Variants in MMP20 observed in about 807,000 individuals in gnomAD.
The protein encoded by MMP20 is matrix metalloproteinase-20.
Under a neutral mutation model 51.8 loss-of-function variants are expected in MMP20, and 50 were observed. That is an observed-to-expected ratio of 0.97 (90% confidence interval 0.77 to 1.22). MMP20 has a LOEUF of 1.22. MMP20 is among the 50% of genes most tolerant of loss of function. The probability of loss-of-function intolerance (pLI) is 0.00; values close to 1 mark genes in which losing one functional copy is unlikely to be tolerated. For missense variants in MMP20, 663 were observed against 601.4 expected, an observed-to-expected ratio of 1.10 and a Z score of -1.07; for synonymous variants, 244 against 216.2, an observed-to-expected ratio of 1.13 and a Z score of -1.13.
intron 2 of MMP20, among the ~76,000 whole-genome samples, chr11:102,616,381 T>C (rs953601686): frequency 1.3e-5 from 2 of 152,226 alleles, no homozygotes; most frequent in South Asian, 4.1e-4. Flanking sequence ...GTTGACCTGT[T>C]CACCTTTATA....
In MMP20 at chr11:102,594,709, G is replaced by T. The variant is rs1357038645; in HGVS notation, c.1002C>A (p.Ser334Arg). 6.2e-7 allele frequency: 1 copy of T among 1,611,280 alleles called. No homozygotes were observed. The highest frequency in any genetic ancestry group is 1.1e-5 in the South Asian group (1 of 90,986). Residue 334 changes from serine (S) to arginine (R), a missense_variant, in exon 7 of 10, where the codon AGC (serine) becomes AGA (arginine). Transcript: ENST00000260228. ...GCTGGGGGAAGGAGCTGGTAATAGT[G>T]CTGGGCCGAATTCCTGTCCGCAAGT... ...QVHLRTGIRP[S>R]TITSSFPQLM...
chr11:102,588,010 T>G (rs971652135), intron 8 of MMP20, among the ~76,000 whole-genome samples: 3 of 152,120 alleles, frequency 2.0e-5, no homozygotes, highest in Admixed American at 2.0e-4. Flanking sequence ...AACTCATGTC[T>G]TTTTGGTTCC....
intron 8 of MMP20, among the ~76,000 whole-genome samples, chr11:102,581,380 G>A (rs775471833): frequency 2.0e-5 from 3 of 152,206 alleles, no homozygotes; most frequent in South Asian, 4.1e-4. Context: ...TAATATTTGC[G>A]GTGGTAGGCA....
chr11:102,620,173 A>G (rs1457140205), intron 1 of MMP20, among the ~76,000 whole-genome samples: 1 of 152,192 alleles, frequency 6.6e-6, no homozygotes, highest in Non-Finnish European at 1.5e-5. Flanking sequence ...ACTCAGTTCT[A>G]GGCTCAGAGT....
At chr11:102,616,388 T>C (rs566455768) in intron 2 of MMP20, among the ~76,000 whole-genome samples, 5 of 152,348 alleles carry the variant, frequency 3.3e-5, no homozygotes, top group African/African-American at 1.2e-4. Flanking sequence ...TGTTCACCTT[T>C]ATAACCCTCA....
At chr11:102,599,791 C>A (rs1859424674) in intron 6 of MMP20, among the ~76,000 whole-genome samples, 1 of 152,110 alleles carries the variant, frequency 6.6e-6, no homozygotes, top group African/African-American at 2.4e-5. Flanking sequence ...GAGTCAGAAG[C>A]CAAGAAATCA....
intron 8 of MMP20, 58 bp downstream of exon 8, chr11:102,593,381 C>T: frequency 1.3e-6 from 2 of 1,578,034 alleles, no homozygotes; most frequent in Non-Finnish European, 1.7e-6. Context: ...GGGTTTTTAT[C>T]TTTTTAAAAT....
chr11:102,587,614 C>T (rs1008786540), intron 8 of MMP20, among the ~76,000 whole-genome samples: 12 of 151,914 alleles, frequency 7.9e-5, no homozygotes, highest in Admixed American at 5.2e-4. Context: ...CTGCTTCATA[C>T]ATTTTTGGGG....
intron 2 of MMP20, among the ~76,000 whole-genome samples, chr11:102,613,342 AACCCCATGAGCAGGG>A (rs1044079968): frequency 3.3e-5 from 5 of 152,194 alleles, no homozygotes; most frequent in African/African-American, 1.2e-4. Flanking sequence ...TGTGAGAGCC[AACCCCATGAGCAGGG>A]ACCGGCCCTG....
intron 2 of MMP20, among the ~76,000 whole-genome samples, chr11:102,615,408 G>A (rs1407009804): frequency 1.3e-5 from 2 of 152,046 alleles, no homozygotes; most frequent in African/African-American, 4.8e-5. Context: ...AGCTTAACAA[G>A]TGGCTGCAAA....
rs1455028357 is a variant in MMP20 at position 102,616,838 on chromosome 11, T to G, written c.348A>C (p.Lys116Asn). 1.2e-6 allele frequency: 2 copies of G among 1,614,214 alleles called. No individual in the cohort carries two copies. The highest frequency in any genetic ancestry group is 1.7e-6 in the Non-Finnish European group (2 of 1,180,022). The change falls in exon 2 of 10, where the codon AAA becomes AAC. Residue 116 changes from lysine (K) to asparagine (N), a missense_variant. Physicochemically the swap from Lys to Asn is moderately conservative, Grantham distance 94 (BLOSUM62 0). Coordinates refer to ENST00000260228, the MANE Select transcript of MMP20 (RefSeq NM_004771.4). ...ANYRLFPGEP[K>N]WKKNTLTYRI... ...TGTATGTCAAAGTATTTTTTTTCCA[T>G]TTGGGTTCACCAGGGAAGAGGCGAT...
In MMP20 at chr11:102,593,475, T is replaced by C. The variant is rs1300093031; in HGVS notation, c.1211A>G (p.Gln404Arg). The change falls in exon 8 of 10, where the codon CAG (glutamine) becomes CGG (arginine). Residue 404 changes from glutamine (Q) to arginine (R), a missense_variant. Coordinates refer to ENST00000260228, the MANE Select transcript of MMP20 (RefSeq NM_004771.4). The stretch of plus-strand genomic sequence containing the variant: ...ATCTCCCACAAAGAAAAGGGTCTTC[T>C]GTGGCTCCCTGAGGTAGACAGCAGC... ...IDAAVYLREP[Q>R]KTLFFVGDEY... is the part of the protein sequence containing the mutation. The C allele has an allele frequency of 1.2e-6, 2 of 1,614,210 alleles. No individual in the cohort carries two copies. The highest frequency in any genetic ancestry group is 1.7e-6 in the Non-Finnish European group (2 of 1,180,014).
chr11:102,578,234 C>A (rs1859149550), intron 9 of MMP20, among the ~76,000 whole-genome samples: 1 of 151,758 alleles, frequency 6.6e-6, no homozygotes, highest in Non-Finnish European at 1.5e-5. Context: ...GCCTCGACCT[C>A]CTGAGCTCAA....
chr11:102,602,080 G>A (rs1393689884), intron 6 of MMP20, among the ~76,000 whole-genome samples: 1 of 145,386 alleles, frequency 6.9e-6, no homozygotes, highest in African/African-American at 2.5e-5. Flanking sequence ...CTCCCGAGTA[G>A]CTGGGATTAC....
At chr11:102,615,823 G>C (rs76254919) in intron 2 of MMP20, among the ~76,000 whole-genome samples, 1 of 152,052 alleles carries the variant, frequency 6.6e-6, no homozygotes, top group Non-Finnish European at 1.5e-5. Flanking sequence ...CCTGGGGCAG[G>C]ACCACAAAGA....
rs1859680207 is a variant in MMP20, at chr11:102,616,965, T to A, written c.221A>T (p.Glu74Val). Residue 74 changes from glutamate (E) to valine (V), a missense_variant, in exon 2 of 10, where the codon GAG (glutamate) becomes GTG (valine). Physicochemically the swap from Glu to Val is moderately radical, Grantham distance 121. Transcript: ENST00000260228. ...TTGGAGGCCAAAGAACGCTTGTAGCTCCTTAATCTTCCTTATCATGGAATT... is the reference window on the plus strand; with the variant it reads ...TTGGAGGCCAAAGAACGCTTGTAGCACCTTAATCTTCCTTATCATGGAATT... ...GSNSMIRKIK[E>V]LQAFFGLQVT... is the part of the protein sequence containing the mutation. The A allele has an allele frequency of 6.2e-7, 1 of 1,614,226 alleles. No individual in the cohort carries two copies. The highest frequency in any genetic ancestry group is 8.5e-7 in the Non-Finnish European group (1 of 1,180,052).
chr11:102,621,215 T>G (rs1004691572), intron 1 of MMP20, among the ~76,000 whole-genome samples: 1 of 152,236 alleles, frequency 6.6e-6, no homozygotes, highest in African/African-American at 2.4e-5. Flanking sequence ...AGCTAAGTGA[T>G]GGCCTTCCCA....
intron 4 of MMP20, among the ~76,000 whole-genome samples, chr11:102,609,467 A>G (rs1274865047): frequency 6.6e-6 from 1 of 152,030 alleles, no homozygotes; most frequent in Admixed American, 6.5e-5. Context: ...TACAGCCTAC[A>G]CCTTTTGATC....
intron 1 of MMP20, among the ~76,000 whole-genome samples, chr11:102,619,494 G>A (rs1454763248): frequency 6.6e-6 from 1 of 152,036 alleles, no homozygotes; most frequent in Non-Finnish European, 1.5e-5. Flanking sequence ...CATATCACCA[G>A]GGCTGAGATG....
Sources: gnomAD v4.1 joint callset for allele counts (sites outside exome capture counted in the v4.1 genomes callset) on GRCh38, gnomAD v4.1.1 for gene constraint, MANE v1.5 for transcripts, NCBI Gene and HGNC (gene_info 2026-07-23, HGNC 2026-07-21) for gene names.